Variants in SLC25A51 observed in about 807,000 individuals in gnomAD.
SLC25A51 encodes solute carrier family 25 member 51.
A neutral mutation model predicts 19.1 loss-of-function variants in SLC25A51; 11 were observed. The observed-to-expected ratio is 0.58, with a 90% CI of 0.36 to 0.96. The LOEUF (loss-of-function observed/expected upper bound fraction) is 0.96. SLC25A51 is among the 40% of genes least tolerant of loss of function. SLC25A51 has a pLI of 0.01. For missense variants in SLC25A51, 201 were observed against 365.4 expected, an observed-to-expected ratio of 0.55 and a Z score of 3.67; for synonymous variants, 105 against 133.6, an observed-to-expected ratio of 0.79 and a Z score of 1.47.
chr9:37,894,596 G>C (rs1831672741), intron 2 of SLC25A51, among the ~76,000 whole-genome samples: 1 of 152,142 alleles, frequency 6.6e-6, no homozygotes, highest in Non-Finnish European at 1.5e-5. Flanking sequence ...AAAGTGCAGG[G>C]ATTACAGGTA....
At chr9:37,892,530 TATATATACA>T (rs928481545) in intron 2 of SLC25A51, among the ~76,000 whole-genome samples, 8 of 152,008 alleles carry the variant, frequency 5.3e-5, no homozygotes, top group African/African-American at 1.9e-4. Context: ...TACTACATTA[TATATATACA>T]ATATATACAA....
At chr9:37,886,714 T>C (rs186760245), downstream of SLC25A51, among the ~76,000 whole-genome samples, 58 of 152,342 alleles carry the variant, frequency 3.8e-4, no homozygotes, top group Non-Finnish European at 6.8e-4. Flanking sequence ...CATGAAACTC[T>C]GTCGTTTCAT....
At chr9:37,897,917 AC>A (rs1831756490) in intron 2 of SLC25A51, among the ~76,000 whole-genome samples, 1 of 151,946 alleles carries the variant, frequency 6.6e-6, no homozygotes, top group Non-Finnish European at 1.5e-5. Flanking sequence ...TTTATCATCT[AC>A]CCCTGCCCAT....
In SLC25A51 at chr9:37,896,657, G is replaced by A. The variant is rs146668913; in HGVS notation, c.-43+3172C>T. Among the ~76,000 whole-genome samples the A allele has an allele frequency of 2.3e-3, 345 of 152,232 alleles. 2 individuals are homozygous for A. Among genetic ancestry groups the A allele is most frequent in the African/African-American group, 7.4e-3 (309 of 41,534 alleles). ...CTAAAAATACAAAAATTAGCCAGGC[G>A]TGGTGGTGTGCACCTGTTGTCCCAC... On this transcript the variant is annotated intron_variant, in intron 2 of 2. Coordinates refer to ENST00000242275, the MANE Select transcript of SLC25A51 (RefSeq NM_033412.4).
intron 2 of SLC25A51, among the ~76,000 whole-genome samples, chr9:37,896,120 T>A (rs1831709072): frequency 6.6e-6 from 1 of 152,192 alleles, no homozygotes; most frequent in East Asian, 1.9e-4. Context: ...TGGTGAATTA[T>A]CACGTATACT....
downstream of SLC25A51, among the ~76,000 whole-genome samples, chr9:37,883,817 C>T (rs776829863): frequency 3.9e-5 from 6 of 152,236 alleles, no homozygotes; most frequent in Non-Finnish European, 5.9e-5. Flanking sequence ...TAAATCCTTA[C>T]ATCTGCACCT....
intron 2 of SLC25A51, among the ~76,000 whole-genome samples, chr9:37,890,629 C>G (rs1373186989): frequency 6.6e-6 from 1 of 151,128 alleles, no homozygotes; most frequent in Non-Finnish European, 1.5e-5. Flanking sequence ...CCAGGAAGTT[C>G]AGGCTGCAGT....
intron 2 of SLC25A51, among the ~76,000 whole-genome samples, chr9:37,882,443 C>A (rs1396375978): frequency 6.6e-6 from 1 of 152,204 alleles, no homozygotes; most frequent in Non-Finnish European, 1.5e-5. Context: ...TACATTGTAA[C>A]CAAGCTTGGG....
intron 2 of SLC25A51, among the ~76,000 whole-genome samples, chr9:37,890,038 T>C (rs1831548523): frequency 1.3e-5 from 2 of 151,912 alleles, no homozygotes; most frequent in South Asian, 4.1e-4. Flanking sequence ...CATATGTGTA[T>C]GTGTGTGTGT....
At chr9:37,892,268 C>A (rs1266487983) in intron 2 of SLC25A51, among the ~76,000 whole-genome samples, 3 of 152,214 alleles carry the variant, frequency 2.0e-5, no homozygotes, top group Non-Finnish European at 4.4e-5. Flanking sequence ...ACAGGCAGGA[C>A]ATGACCCGTG....
intron 2 of SLC25A51, among the ~76,000 whole-genome samples, chr9:37,896,771 G>A (rs1234756774): frequency 1.3e-5 from 2 of 152,210 alleles, no homozygotes; most frequent in Admixed American, 6.5e-5. Context: ...ACTCCAGCCT[G>A]GGTGACAAGT....
rs1831495540 is a variant in SLC25A51 at position 37,887,815 on chromosome 9, C to T, written c.736G>A (p.Glu246Lys). The change falls in exon 3 of 3, where the codon GAA (glutamate) becomes AAA (lysine). Residue 246 changes from glutamate (E) to lysine (K), a missense_variant. Transcript: ENST00000242275. ...AAAACCTTGGGGAAAGACTGAAATT[C>T]CCCACCAATCTGAGACTGTATGCGA... ...KTRIQSQIGGEFQSFPKVFQK... is the reference protein window; with the variant it reads ...KTRIQSQIGGKFQSFPKVFQK... 5.0e-6 allele frequency: 8 copies of T among 1,613,486 alleles called. No individual in the cohort carries two copies. The South Asian group carries it at 5.5e-5, about 11-fold the overall frequency.
chr9:37,886,074 G>A, downstream of SLC25A51: 1 of 1,593,040 alleles, frequency 6.3e-7, no homozygotes, highest in Non-Finnish European at 8.6e-7. Context: ...CTAAATTTTG[G>A]GACGGTGGAT....
chr9:37,886,553 C>T (rs2118307397), downstream of SLC25A51, among the ~76,000 whole-genome samples: 1 of 152,310 alleles, frequency 6.6e-6, no homozygotes, highest in East Asian at 1.9e-4. Context: ...AATTGTCAGG[C>T]ACCCTACAGG....
At chr9:37,895,207 CT>C (rs565092011) in intron 2 of SLC25A51, among the ~76,000 whole-genome samples, 3,362 of 146,104 alleles carry the variant, frequency 0.023, 65 homozygotes, top group East Asian at 0.078. Context: ...CCATTAAAAA[CT>C]TTTTTTTTTT....
rs1211172724 is a variant in SLC25A51 at position 37,880,052 on chromosome 9, G to C, written n.1219C>G. The C allele has an allele frequency of 3.3e-5, 5 of 152,402 alleles. No homozygotes were observed. The East Asian group carries it at 9.6e-4, about 29-fold the overall frequency. The allele number at this position is 152,402 out of a possible 1,614,324, so 9.4% of individuals were successfully genotyped here. Reference sequence around the variant, plus strand: ...AAATTACTGATGGCCGGGCACGGCGGCTCACGCCTGTAATCCCAGCACTTT... The same window carrying C: ...AAATTACTGATGGCCGGGCACGGCGCCTCACGCCTGTAATCCCAGCACTTT... On this transcript the variant is annotated non_coding_transcript_exon_variant, in exon 4 of 4. Transcript: ENST00000496760.
downstream of SLC25A51, among the ~76,000 whole-genome samples, chr9:37,883,605 C>T (rs1326617826): frequency 6.6e-6 from 1 of 152,206 alleles, no homozygotes; most frequent in Non-Finnish European, 1.5e-5. Flanking sequence ...CAAGGTATAA[C>T]CCCAGGCTAA....
intron 1 of SLC25A51, among the ~76,000 whole-genome samples, chr9:37,901,882 G>A (rs771315453): frequency 2.6e-5 from 4 of 152,066 alleles, no homozygotes. Flanking sequence ...ACTCTTATTA[G>A]TACACTTACA....
downstream of SLC25A51, among the ~76,000 whole-genome samples, chr9:37,885,468 C>T (rs1831432714): frequency 6.6e-6 from 1 of 151,046 alleles, no homozygotes; most frequent in East Asian, 2.0e-4. Context: ...ACGACACCAA[C>T]TTATATTTGG....
Sources: allele counts gnomAD v4.1 joint callset (sites outside exome capture counted in the v4.1 genomes callset), GRCh38; gene constraint gnomAD v4.1.1; transcripts MANE v1.5; gene names NCBI Gene and HGNC (gene_info 2026-07-23, HGNC 2026-07-21).